Variants in LRRC20 observed in about 807,000 individuals in gnomAD.
The protein encoded by LRRC20 is leucine-rich repeat-containing protein 20.
A neutral mutation model predicts 14.4 loss-of-function variants in LRRC20; 11 were observed. That is an observed-to-expected ratio of 0.77 (90% CI 0.48 to 1.27). The LOEUF is 1.27. Ranked by LOEUF, LRRC20 falls within the 50% of genes most tolerant of loss-of-function variation. The pLI is 0.00. For missense variants in LRRC20, 219 were observed against 251.2 expected (o/e 0.87, Z 0.87); for synonymous variants, 121 against 107.3 (o/e 1.13, Z -0.79).
intron 1 of LRRC20, among the ~76,000 whole-genome samples, chr10:70,382,337 T>C (rs1185564558): frequency 6.6e-6 from 1 of 152,124 alleles, no homozygotes; most frequent in East Asian, 1.9e-4. Flanking sequence ...AGCCCGCGCA[T>C]GCCGAGCCCC....
rs116063902 is a variant in LRRC20, at chr10:70,312,698, G to A, written c.400+11165C>T. Among the ~76,000 whole-genome samples, 191 of 152,296 alleles carry A rather than the reference G, an allele frequency of 1.3e-3. 1 individual carries two copies. Among genetic ancestry groups the A allele is most frequent in the African/African-American group, 4.4e-3 (183 of 41,558 alleles). On this transcript the variant is annotated intron_variant, in intron 4 of 4. Transcript: ENST00000446961. ...CCTAATTTTGGCACTGCCATTTAAA[G>A]CTGTGCACCCTCAGGCAAGCCCCTT...
intron 2 of LRRC20, among the ~76,000 whole-genome samples, chr10:70,346,266 A>G (rs1296669353): frequency 1.3e-5 from 2 of 151,894 alleles, no homozygotes; most frequent in Non-Finnish European, 2.9e-5. Flanking sequence ...AATAAAATAA[A>G]TTTGCTTGAC....
At chr10:70,367,348 G>GAAAAGA (rs71009295) in intron 2 of LRRC20, among the ~76,000 whole-genome samples, 32,523 of 137,350 alleles carry the variant, frequency 0.24, 4,057 homozygotes, top group South Asian at 0.42. Context: ...AAAAAAGAAA[G>GAAAAGA]AAAAGAAAAA....
At chr10:70,329,765 A>G (rs971642935) in intron 3 of LRRC20, among the ~76,000 whole-genome samples, 1 of 152,034 alleles carries the variant, frequency 6.6e-6, no homozygotes, top group African/African-American at 2.4e-5. Flanking sequence ...GGGTTTCCCC[A>G]TGTTGCCCAG....
At chr10:70,353,350 A>G (rs1843390720) in intron 2 of LRRC20, among the ~76,000 whole-genome samples, 1 of 37,304 alleles carries the variant, frequency 2.7e-5, no homozygotes, top group South Asian at 6.0e-4. Context: ...TAGTGATCTC[A>G]GCTTGTCATG....
At chr10:70,351,298 TC>T (rs1248490499) in intron 2 of LRRC20, among the ~76,000 whole-genome samples, 1 of 152,150 alleles carries the variant, frequency 6.6e-6, no homozygotes, top group Non-Finnish European at 1.5e-5. Context: ...TTTAACAATA[TC>T]CCCAGGTGAT....
At chr10:70,336,799 C>T (rs55813651) in intron 3 of LRRC20, among the ~76,000 whole-genome samples, 1,726 of 152,310 alleles carry the variant, frequency 0.011, 12 homozygotes, top group Middle Eastern at 0.017. Flanking sequence ...TCGTTTATTG[C>T]CATAGGTGTG....
intron 2 of LRRC20, among the ~76,000 whole-genome samples, chr10:70,351,321 G>T (rs1210960799): frequency 6.6e-6 from 1 of 152,164 alleles, no homozygotes; most frequent in African/African-American, 2.4e-5. Flanking sequence ...CTTATCAATA[G>T]GCAAACTTGG....
At position 70,301,490 on chromosome 10, in the gene LRRC20, A is replaced by G; in HGVS notation, c.419T>C (p.Leu140Pro). ...GCTGCGCAAGGCTGGCATGGCGGCC[A>G]GCTTCTCCACGGGCACATCTATTGG... ...NEIVDVPVEK[L>P]AAMPALRSIN... is the part of the protein sequence containing the mutation. Residue 140 changes from leucine to proline, a missense_variant, in exon 5 of 5, where the codon CTG becomes CCG. Leu to Pro is a moderately conservative substitution (Grantham distance 98). Transcript: ENST00000446961. 6.2e-7 allele frequency: 1 copy of G among 1,614,048 alleles called. No individual in the cohort carries two copies. Among genetic ancestry groups the G allele is most frequent in the East Asian group, 2.2e-5 (1 of 44,886 alleles).
At chr10:70,340,750 C>T in intron 2 of LRRC20, 48 bp from the exon 3 acceptor site, 1 of 1,604,242 alleles carries the variant, frequency 6.2e-7, no homozygotes, top group Non-Finnish European at 8.5e-7. Flanking sequence ...CCACAGCTGC[C>T]CGAGAACTTG....
intron 2 of LRRC20, among the ~76,000 whole-genome samples, chr10:70,365,942 G>A (rs999688180): frequency 1.8e-4 from 28 of 151,740 alleles, no homozygotes; most frequent in African/African-American, 5.6e-4. Flanking sequence ...GGTGGCAGGC[G>A]CGTGTAGTCC....
chr10:70,309,842 GC>G (rs1473561090), intron 4 of LRRC20, among the ~76,000 whole-genome samples: 1 of 152,246 alleles, frequency 6.6e-6, no homozygotes, highest in African/African-American at 2.4e-5. Context: ...CCACAGGCTT[GC>G]TGGGCATGGC....
intron 2 of LRRC20, among the ~76,000 whole-genome samples, chr10:70,368,007 G>GTTATGCTATGTTATGTTATGTTAT (rs1262121989): frequency 6.7e-6 from 1 of 150,022 alleles, no homozygotes; most frequent in African/African-American, 2.5e-5. Context: ...TTTTTGAGAT[G>GTTATGCTATGTTATGTTATGTTAT]GAGTCTCGCT....
chr10:70,338,884 C>G (rs1202261283), intron 3 of LRRC20, among the ~76,000 whole-genome samples: 1 of 152,254 alleles, frequency 6.6e-6, no homozygotes, highest in Non-Finnish European at 1.5e-5. Context: ...TGATCTTGAA[C>G]TCCTGACCTC....
chr10:70,306,249 G>T (rs1205173510), intron 4 of LRRC20, among the ~76,000 whole-genome samples: 1 of 151,956 alleles, frequency 6.6e-6, no homozygotes, highest in African/African-American at 2.4e-5. Context: ...CCACAGTGCA[G>T]TTAAGGGTTC....
At chr10:70,328,883 A>C (rs1195433951) in intron 3 of LRRC20, among the ~76,000 whole-genome samples, 1 of 152,206 alleles carries the variant, frequency 6.6e-6, no homozygotes, top group Non-Finnish European at 1.5e-5. Context: ...CTGCCACTGC[A>C]CTCCAGCCTG....
intron 4 of LRRC20, among the ~76,000 whole-genome samples, chr10:70,312,923 A>C (rs1648634382): frequency 6.6e-6 from 1 of 152,182 alleles, no homozygotes; most frequent in Admixed American, 6.5e-5. Context: ...TTCTGTCCTT[A>C]AGTATGAGCT....
intron 1 of LRRC20, among the ~76,000 whole-genome samples, chr10:70,382,220 G>T (rs1005765189): frequency 6.6e-6 from 1 of 152,220 alleles, no homozygotes; most frequent in African/African-American, 2.4e-5. Flanking sequence ...CGCCTCCCGC[G>T]AGGAATGGAG....
chr10:70,300,245 T>C lies in LRRC20; in HGVS notation c.*1109A>G. On this transcript the variant is annotated 3_prime_UTR_variant, in exon 5 of 5. Coordinates refer to ENST00000446961, the MANE Select transcript of LRRC20 (RefSeq NM_001278212.2). ...GAAGCAAGAGCCCCAGGCCCTCTCC[T>C]GGTAGGGGACCAACCATCCCCACTT... 2 of 568,476 alleles carry C rather than the reference T, an allele frequency of 3.5e-6. No homozygotes were observed. The highest frequency in any genetic ancestry group is 4.5e-6 in the Non-Finnish European group (2 of 449,002). The allele number at this position is 568,476 out of a possible 1,614,324, so 35.2% of individuals were successfully genotyped here. A position where few individuals can be genotyped will look rare whatever the true frequency, so the allele number is the denominator to read the frequency against.
Sources: gnomAD v4.1 joint callset for allele counts (sites outside exome capture counted in the v4.1 genomes callset) on GRCh38, gnomAD v4.1.1 for gene constraint, MANE v1.5 for transcripts, NCBI Gene and HGNC (gene_info 2026-07-23, HGNC 2026-07-21) for gene names.